Variants in RBFOX1 observed in about 807,000 individuals in gnomAD.
RBFOX1 encodes the protein RNA binding protein fox-1 homolog 1.
A neutral mutation model predicts 57.7 loss-of-function variants in RBFOX1; 8 were observed. That is an observed-to-expected ratio of 0.14 (90% CI 0.08 to 0.25). The LOEUF (loss-of-function observed/expected upper bound fraction) is 0.25. RBFOX1 is among the 10% of genes least tolerant of loss of function. The pLI is 1.00. For missense variants in RBFOX1, 611 were observed against 548.5 expected, an observed-to-expected ratio of 1.11 and a Z score of -1.14; for synonymous variants, 326 against 222.4, an observed-to-expected ratio of 1.47 and a Z score of -4.15.
intron 1 of RBFOX1, among the ~76,000 whole-genome samples, chr16:6,040,882 C>G (rs908596424): frequency 1.3e-5 from 2 of 152,188 alleles, no homozygotes; most frequent in Admixed American, 1.3e-4. Flanking sequence ...GCTTGAGCCA[C>G]CACACCCCAC....
At chr16:6,397,041 C>G (rs765847162) in intron 2 of RBFOX1, among the ~76,000 whole-genome samples, 1 of 151,958 alleles carries the variant, frequency 6.6e-6, no homozygotes, top group Non-Finnish European at 1.5e-5. Flanking sequence ...TGATTATTAA[C>G]AGAAGACTAG....
chr16:6,680,662 C>G (rs886306192), intron 3 of RBFOX1, among the ~76,000 whole-genome samples: 1 of 152,064 alleles, frequency 6.6e-6, no homozygotes, highest in Non-Finnish European at 1.5e-5. Context: ...TTTAGTTTTC[C>G]ACTATCAAAG....
chr16:7,006,101 C>T (rs1485207620), intron 3 of RBFOX1, among the ~76,000 whole-genome samples: 1 of 152,120 alleles, frequency 6.6e-6, no homozygotes, highest in Non-Finnish European at 1.5e-5. Context: ...TACAGGTGTA[C>T]ATTTAAACAT....
intron 4 of RBFOX1, among the ~76,000 whole-genome samples, chr16:7,329,410 G>C (rs1003236586): frequency 6.6e-6 from 1 of 152,202 alleles, no homozygotes; most frequent in Non-Finnish European, 1.5e-5. Flanking sequence ...CATGTGCACT[G>C]CCACTGGGGA....
At chr16:7,671,533 C>T (rs779375811) in intron 13 of RBFOX1, 5 of 1,588,410 alleles carry the variant, frequency 3.1e-6, no homozygotes, top group Non-Finnish European at 3.5e-6. Flanking sequence ...GCATTGAAAA[C>T]ATTACATTTC....
intron 3 of RBFOX1, among the ~76,000 whole-genome samples, chr16:6,931,591 C>T (rs1287740488): frequency 1.3e-5 from 2 of 152,092 alleles, no homozygotes; most frequent in Non-Finnish European, 2.9e-5. Flanking sequence ...CAATGGACAA[C>T]ATATCCCACC....
intron 3 of RBFOX1, among the ~76,000 whole-genome samples, chr16:6,889,173 C>T (rs769846141): frequency 4.6e-5 from 7 of 152,180 alleles, no homozygotes; most frequent in Non-Finnish European, 1.0e-4. Flanking sequence ...CCCATTGTTA[C>T]TGAAAATACT....
intron 4 of RBFOX1, among the ~76,000 whole-genome samples, chr16:5,887,272 C>T (rs1426443888): frequency 6.6e-6 from 1 of 152,156 alleles, no homozygotes; most frequent in East Asian, 1.9e-4. Flanking sequence ...GGTACCTGGC[C>T]CTGGACACCA....
intron 2 of RBFOX1, among the ~76,000 whole-genome samples, chr16:5,482,207 G>A (rs186958800): frequency 6.6e-6 from 1 of 152,254 alleles, no homozygotes; most frequent in East Asian, 1.9e-4. Context: ...TTCCAGATGA[G>A]CCATGGAGCA....
At chr16:7,072,347 A>G (rs2057497814) in intron 4 of RBFOX1, among the ~76,000 whole-genome samples, 2 of 151,944 alleles carry the variant, frequency 1.3e-5, no homozygotes, top group Admixed American at 1.3e-4. Flanking sequence ...CTTACCCACA[A>G]TCTGTTATTC....
At chr16:6,169,388 G>C (rs2096941569) in intron 1 of RBFOX1, among the ~76,000 whole-genome samples, 1 of 152,118 alleles carries the variant, frequency 6.6e-6, no homozygotes, top group Non-Finnish European at 1.5e-5. Context: ...ATACATGGAA[G>C]AGTTCAGAGA....
intron 2 of RBFOX1, among the ~76,000 whole-genome samples, chr16:6,378,711 G>A (rs1192740058): frequency 6.6e-6 from 1 of 152,164 alleles, no homozygotes; most frequent in East Asian, 1.9e-4. Context: ...AGTCTTCCCA[G>A]TTAAAGCATA....
chr16:7,282,086 C>A (rs1035289142), intron 4 of RBFOX1, among the ~76,000 whole-genome samples: 1 of 152,084 alleles, frequency 6.6e-6, no homozygotes, highest in Non-Finnish European at 1.5e-5. Context: ...CCAAGCTCAA[C>A]TCCTGAGCTC....
At chr16:6,654,169 G>T (rs1022174650) in intron 2 of RBFOX1, among the ~76,000 whole-genome samples, 1 of 152,142 alleles carries the variant, frequency 6.6e-6, no homozygotes, top group African/African-American at 2.4e-5. Flanking sequence ...TGGATGGATG[G>T]TTGGATGGTT....
At position 5,644,020 on chromosome 16, in the gene RBFOX1, C is replaced by G. The variant is rs187207903; in HGVS notation, c.318+45059C>G. 1.7e-4 allele frequency among the ~76,000 whole-genome samples: 26 copies of G among 152,192 alleles called. 1 individual carries two copies. The highest frequency in any genetic ancestry group is 7.3e-5 in the Non-Finnish European group (5 of 68,042). ...GTCAAATGTGACCTTTACAACAAAA[C>G]GTGCAGACTGCGTCGTACACAGAGG... On this transcript the variant is annotated intron_variant, in intron 3 of 19. Coordinates refer to the RBFOX1 transcript ENST00000641259.
intron 1 of RBFOX1, among the ~76,000 whole-genome samples, chr16:6,072,463 A>G (rs747338833): frequency 1.3e-5 from 2 of 152,150 alleles, no homozygotes; most frequent in Non-Finnish European, 2.9e-5. Flanking sequence ...TTGTATATGT[A>G]CCCAGAAGTC....
At chr16:7,701,475 A>T (rs1013570964) in intron 14 of RBFOX1, among the ~76,000 whole-genome samples, 1 of 152,154 alleles carries the variant, frequency 6.6e-6, no homozygotes, top group African/African-American at 2.4e-5. Flanking sequence ...CCTTTTGAGA[A>T]TCTAATGCCT....
At chr16:6,985,399 T>TCCTAA (rs2090018334) in intron 3 of RBFOX1, among the ~76,000 whole-genome samples, 3 of 152,162 alleles carry the variant, frequency 2.0e-5, no homozygotes, top group Admixed American at 2.0e-4. Flanking sequence ...CTGGACAAGG[T>TCCTAA]GACTCAGGAG....
intron 3 of RBFOX1, among the ~76,000 whole-genome samples, chr16:6,771,502 C>T (rs1194526352): frequency 3.3e-5 from 5 of 152,066 alleles, no homozygotes; most frequent in Non-Finnish European, 7.4e-5. Flanking sequence ...GTCAGCAGTC[C>T]TAGCAAACCC....
Sources: allele counts gnomAD v4.1 joint callset (sites outside exome capture counted in the v4.1 genomes callset), GRCh38; gene constraint gnomAD v4.1.1; transcripts MANE v1.5; gene names NCBI Gene and HGNC (gene_info 2026-07-23, HGNC 2026-07-21).